SPAG1: variants seen among roughly 807,000 people sequenced by gnomAD.
The protein encoded by SPAG1 is sperm associated antigen 1.
Under a neutral mutation model 100.5 loss-of-function variants are expected in SPAG1, and 69 were observed. The ratio of observed to expected loss-of-function variants is 0.69; its 90% CI spans 0.57 to 0.84. The LOEUF (loss-of-function observed/expected upper bound fraction) is 0.84, where lower values mean the gene tolerates loss of function less well. Ranked by LOEUF, SPAG1 falls within the 40% of genes least tolerant of loss-of-function variation. SPAG1 has a pLI of 0.00. For missense variants in SPAG1, 955 were observed against 1,133.1 expected, an observed-to-expected ratio of 0.84 and a Z score of 2.26; for synonymous variants, 336 against 411.6, an observed-to-expected ratio of 0.82 and a Z score of 2.22.
intron 14 of SPAG1, among the ~76,000 whole-genome samples, chr8:100,227,156 A>G (rs1442007347): frequency 2.6e-5 from 4 of 152,252 alleles, no homozygotes; most frequent in East Asian, 3.8e-4. Context: ...CGCAGAATGT[A>G]TCCATTGTTG....
In SPAG1 at chr8:100,225,331, G is replaced by C. The variant is rs1302719214; in HGVS notation, c.1847G>C (p.Gly616Ala). ...AGDSSSHRQQ[G>A]ITDEKTFKAL... ...GACTCCAGCAGCCATCGCCAGCAGG[G>C]CATCACAGGTGGGGGATGCCTGCAC... The change falls in exon 14 of 19, where the codon GGC becomes GCC. Residue 616 changes from glycine to alanine, a missense_variant. Physicochemically the swap from Gly to Ala is moderately conservative, Grantham distance 60 (BLOSUM62 0). Transcript: ENST00000388798. 6.2e-7 allele frequency: 1 copy of C among 1,613,446 alleles called. No homozygotes were observed. The highest frequency in any genetic ancestry group is 2.2e-5 in the East Asian group (1 of 44,876).
intron 13 of SPAG1, among the ~76,000 whole-genome samples, chr8:100,222,274 G>A (rs564331773): frequency 1.3e-5 from 2 of 152,170 alleles, no homozygotes; most frequent in East Asian, 3.9e-4. Context: ...CCATAACACT[G>A]GGCCCTCTTT....
chr8:100,182,355 A>G (rs1466980841), intron 4 of SPAG1, among the ~76,000 whole-genome samples: 1 of 152,222 alleles, frequency 6.6e-6, no homozygotes, highest in South Asian at 2.1e-4. Context: ...CTAGCCAATC[A>G]GTCCTTCCTT....
In SPAG1 at chr8:100,171,617, C is replaced by T. The variant is rs73279035; in HGVS notation, c.300+5644C>T. 4.8e-3 allele frequency among the ~76,000 whole-genome samples: 735 copies of T among 152,272 alleles called. 10 individuals carry two copies. Among genetic ancestry groups the T allele is most frequent in the African/African-American group, 0.017 (717 of 41,546 alleles). On this transcript the variant is annotated intron_variant, in intron 3 of 18. Transcript: ENST00000388798. ...CCCGAATCCTCACAGTCTTGGCCTC[C>T]CTAACGTCCAAACTTTGTCTGCTGA...
At position 100,203,431 on chromosome 8, in the gene SPAG1, G is replaced by A. The variant is rs559174574; in HGVS notation, c.1096+9163G>A. On this transcript the variant is annotated intron_variant, in intron 10 of 18. Coordinates refer to ENST00000388798, the MANE Select transcript of SPAG1 (RefSeq NM_003114.5). Reference sequence around the variant, plus strand: ...TCCAGAGGAACAGACTATTAAGGATGCAGTTCTTTCGTTGGTTTTGGGGTT... The same window carrying A: ...TCCAGAGGAACAGACTATTAAGGATACAGTTCTTTCGTTGGTTTTGGGGTT... Among the ~76,000 whole-genome samples the A allele has an allele frequency of 5.3e-5, 8 of 152,288 alleles. No homozygotes were observed. The South Asian group carries it at 1.2e-3, about 24-fold the overall frequency.
At chr8:100,217,128 G>T (rs928417448) in intron 12 of SPAG1, among the ~76,000 whole-genome samples, 8 of 151,728 alleles carry the variant, frequency 5.3e-5, no homozygotes, top group Non-Finnish European at 8.8e-5. Flanking sequence ...TGTAGAGAAG[G>T]GGTTTCACCA....
chr8:100,240,680 T>C lies in SPAG1; in HGVS notation c.2558T>C (p.Leu853Pro). Reference sequence around the variant, plus strand: ...CTTGAAGGGGATACATTCCTTCTCCTCATTCAGTCTCTGAAAAATAATCTT... The same window carrying C: ...CTTGAAGGGGATACATTCCTTCTCCCCATTCAGTCTCTGAAAAATAATCTT... ...NKLEGDTFLL[L>P]IQSLKNNLIE... Residue 853 changes from leucine (L) to proline (P), a missense_variant, in exon 18 of 19, where the codon CTC becomes CCC. Leu to Pro is a moderately conservative substitution (Grantham distance 98). Transcript: ENST00000388798. 1 of 1,614,032 alleles carries C rather than the reference T, an allele frequency of 6.2e-7. No individual in the cohort carries two copies. Among genetic ancestry groups the C allele is most frequent in the Non-Finnish European group, 8.5e-7 (1 of 1,179,948 alleles).
At chr8:100,162,134 G>A in intron 1 of SPAG1, 145 bp from the exon 2 acceptor site, 1 of 601,580 alleles carries the variant, frequency 1.7e-6, no homozygotes, top group East Asian at 3.2e-5. Context: ...TTAGAGACCA[G>A]CCTGGGCAAC....
At chr8:100,213,487 C>G (rs1817832331) in intron 11 of SPAG1, 59 bp downstream of exon 11, 5 of 1,287,228 alleles carry the variant, frequency 3.9e-6, no homozygotes. Context: ...CACCCGACCT[C>G]CGGGGCCCCC....
At chr8:100,202,381 T>C (rs966255458) in intron 10 of SPAG1, among the ~76,000 whole-genome samples, 7 of 151,816 alleles carry the variant, frequency 4.6e-5, no homozygotes, top group Non-Finnish European at 8.8e-5. Flanking sequence ...AAACCTGTTC[T>C]TTTCCTACTG....
intron 3 of SPAG1, among the ~76,000 whole-genome samples, chr8:100,167,431 A>G (rs997431448): frequency 6.6e-5 from 10 of 152,222 alleles, no homozygotes; most frequent in African/African-American, 2.4e-4. Flanking sequence ...TAAAAAACAG[A>G]ACAATTATAA....
chr8:100,224,949 CTT>C (rs562849309), intron 13 of SPAG1, among the ~76,000 whole-genome samples: 8 of 151,936 alleles, frequency 5.3e-5, no homozygotes, highest in African/African-American at 4.8e-5. Context: ...TTAAAAATGT[CTT>C]TTTTGTTTTG....
chr8:100,190,663 C>CTTT (rs758612610), intron 8 of SPAG1, among the ~76,000 whole-genome samples: 33 of 111,794 alleles, frequency 3.0e-4, no homozygotes, highest in Admixed American at 5.7e-4. Context: ...CTTTTTTTTT[C>CTTT]TTTTTTTTTT....
intron 12 of SPAG1, among the ~76,000 whole-genome samples, chr8:100,216,155 T>C (rs1817978103): frequency 6.6e-6 from 1 of 152,150 alleles, no homozygotes; most frequent in Admixed American, 6.5e-5. Flanking sequence ...AGAGAGCCAG[T>C]TGTTAAGGGC....
chr8:100,197,426 AACT>A (rs543974461), intron 10 of SPAG1, among the ~76,000 whole-genome samples: 370 of 152,348 alleles, frequency 2.4e-3, no homozygotes, highest in Non-Finnish European at 2.8e-3. Context: ...AAATCAATTG[AACT>A]AGTTTACATT....
intron 3 of SPAG1, among the ~76,000 whole-genome samples, chr8:100,167,197 G>C (rs928047271): frequency 2.0e-5 from 3 of 151,872 alleles, no homozygotes; most frequent in Non-Finnish European, 4.4e-5. Context: ...CCCATTTTTA[G>C]GTACTCTTTG....
Position 100,187,132 on chromosome 8 carries a change from G to A in SPAG1, c.714G>A (p.Ala238=), listed in dbSNP as rs1204437749. ...GTTTCTTTTCTAGGAGCATATCAGC[G>A]CTTCCCACTGTAGTTGCCTATAACA... ...AVMYYTRSIS[A]LPTVVAYNNR... The change falls in exon 8 of 19, where the codon GCG becomes GCA. Residue 238 remains alanine (A), a synonymous_variant. Coordinates refer to ENST00000388798, the MANE Select transcript of SPAG1 (RefSeq NM_003114.5). 1.2e-5 allele frequency: 20 copies of A among 1,609,428 alleles called. No individual in the cohort carries two copies. Among genetic ancestry groups the A allele is most frequent in the South Asian group, 1.2e-4 (11 of 90,288 alleles).
intron 12 of SPAG1, among the ~76,000 whole-genome samples, chr8:100,214,207 G>A (rs1249993344): frequency 6.6e-6 from 1 of 152,194 alleles, no homozygotes; most frequent in Non-Finnish European, 1.5e-5. Context: ...ATCCACTGCG[G>A]CATCAGAATA....
chr8:100,223,943 T>G (rs7814550), intron 13 of SPAG1, among the ~76,000 whole-genome samples: 4,241 of 152,246 alleles, frequency 0.028, 194 homozygotes, highest in African/African-American at 0.095. Flanking sequence ...CATTTGTCTA[T>G]ATATAAATAT....
Sources: gnomAD v4.1 joint callset for allele counts (sites outside exome capture counted in the v4.1 genomes callset) on GRCh38, gnomAD v4.1.1 for gene constraint, MANE v1.5 for transcripts, NCBI Gene and HGNC (gene_info 2026-07-23, HGNC 2026-07-21) for gene names.